The following LOC128092252 variants were observed in gnomAD, a reference collection of about 807,000 sequenced individuals.
the LOC128092252 span, among the ~76,000 whole-genome samples, chr15:50,683,611 G>A: frequency 0.018 from 2,704 of 152,208 alleles, 78 homozygotes; most frequent in African/African-American, 0.063. Context: ...GTGGACGCCT[G>A]TAATCCCAGC....
chr15:50,682,173 C>CAAAAAAAAA, the LOC128092252 span, among the ~76,000 whole-genome samples: 6,956 of 62,450 alleles, frequency 0.11, 668 homozygotes, highest in East Asian at 0.3. Flanking sequence ...AACTCAGTCT[C>CAAAAAAAAA]AAAAAAAAAA....
chr15:50,670,474 T>C, the LOC128092252 span, among the ~76,000 whole-genome samples: 1 of 152,276 alleles, frequency 6.6e-6, no homozygotes, highest in African/African-American at 2.4e-5. Context: ...AGAGTAGACC[T>C]CTTCCTCACT....
the LOC128092252 span, among the ~76,000 whole-genome samples, chr15:50,651,536 C>A: frequency 6.6e-6 from 1 of 152,118 alleles, no homozygotes; most frequent in African/African-American, 2.4e-5. Flanking sequence ...GTGGCTCATG[C>A]CTATAATCCC....
the LOC128092252 span, among the ~76,000 whole-genome samples, chr15:50,651,769 A>T: frequency 6.6e-6 from 1 of 152,066 alleles, no homozygotes; most frequent in African/African-American, 2.4e-5. Context: ...AGTCGCCTGT[A>T]ATCCCAGCTA....
At chr15:50,683,433 C>T in the LOC128092252 span, among the ~76,000 whole-genome samples, 6 of 149,786 alleles carry the variant, frequency 4.0e-5, no homozygotes, top group African/African-American at 1.5e-4. Flanking sequence ...TCAATCTTAA[C>T]ATTTAAAAAA....
chr15:50,682,994 C>A, the LOC128092252 span, among the ~76,000 whole-genome samples: 1,961 of 151,864 alleles, frequency 0.013, 53 homozygotes, highest in African/African-American at 0.046. Context: ...GCCATCCTCC[C>A]ACCTCAGCCT....
the LOC128092252 span, among the ~76,000 whole-genome samples, chr15:50,681,082 C>T: frequency 1.3e-5 from 2 of 152,178 alleles, no homozygotes; most frequent in South Asian, 4.1e-4. Context: ...GAAACTCCGT[C>T]TCTACCAAAA....
the LOC128092252 span, among the ~76,000 whole-genome samples, chr15:50,651,442 G>A: frequency 6.6e-6 from 1 of 151,488 alleles, no homozygotes; most frequent in African/African-American, 2.4e-5. Context: ...TCAGGAGATC[G>A]AGACCATCCT....
At chr15:50,666,273 C>G in the LOC128092252 span, among the ~76,000 whole-genome samples, 6 of 150,436 alleles carry the variant, frequency 4.0e-5, no homozygotes, top group Admixed American at 6.6e-5. Flanking sequence ...CCCATCTCTA[C>G]GAAAAATACA....
the LOC128092252 span, among the ~76,000 whole-genome samples, chr15:50,654,657 A>C: frequency 6.6e-6 from 1 of 151,430 alleles, no homozygotes; most frequent in African/African-American, 2.4e-5. Context: ...TATAACAAAG[A>C]ATCAAATAGC....
At chr15:50,666,017 G>T in the LOC128092252 span, among the ~76,000 whole-genome samples, 1 of 151,768 alleles carries the variant, frequency 6.6e-6, no homozygotes, top group South Asian at 2.1e-4. Context: ...TAAAAAAAAG[G>T]CTGAAAATTA....
chr15:50,656,110 G>A, the LOC128092252 span, among the ~76,000 whole-genome samples: 1 of 151,924 alleles, frequency 6.6e-6, no homozygotes. Context: ...TATATTTTCA[G>A]ATAGACCAAA....
chr15:50,655,000 C>CA, the LOC128092252 span, among the ~76,000 whole-genome samples: 25,474 of 68,992 alleles, frequency 0.37, 4,171 homozygotes, highest in East Asian at 0.6. Flanking sequence ...CACTCCGTCT[C>CA]AAAAAAAAAA....
At chr15:50,663,406 G>A in the LOC128092252 span, among the ~76,000 whole-genome samples, 8 of 152,164 alleles carry the variant, frequency 5.3e-5, no homozygotes, top group Admixed American at 1.3e-4. Context: ...GATTACAGGC[G>A]TGAGCCACCG....
the LOC128092252 span, among the ~76,000 whole-genome samples, chr15:50,672,533 G>A: frequency 4.3e-4 from 66 of 152,112 alleles, no homozygotes; most frequent in African/African-American, 1.5e-3. Flanking sequence ...TCCTGACCCC[G>A]TGTAGGCCTA....
chr15:50,680,772 T>C, the LOC128092252 span, among the ~76,000 whole-genome samples: 1 of 152,130 alleles, frequency 6.6e-6, no homozygotes, highest in Non-Finnish European at 1.5e-5. Context: ...TCATCTGAGG[T>C]CTTACAAATA....
chr15:50,670,635 C>T, the LOC128092252 span, among the ~76,000 whole-genome samples: 5 of 152,046 alleles, frequency 3.3e-5, no homozygotes, highest in Middle Eastern at 9.5e-3. Flanking sequence ...CTGCCCACCA[C>T]TTTCCCAGAA....
the LOC128092252 span, chr15:50,663,131 T>C: frequency 9.4e-7 from 1 of 1,068,730 alleles, no homozygotes; most frequent in Non-Finnish European, 1.4e-6. Context: ...ACATAAACAG[T>C]TCTTTTTTTT....
At chr15:50,658,155 C>A in the LOC128092252 span, among the ~76,000 whole-genome samples, 1 of 152,024 alleles carries the variant, frequency 6.6e-6, no homozygotes, top group African/African-American at 2.4e-5. Flanking sequence ...CAGGCTCCTG[C>A]CACCATGCCC....
Sources: gnomAD v4.1 joint callset for allele counts (sites outside exome capture counted in the v4.1 genomes callset) on GRCh38, gnomAD v4.1.1 for gene constraint, MANE v1.5 for transcripts.